The following ST6GALNAC3 variants were observed in gnomAD, a reference collection of about 807,000 sequenced individuals.
ST6GALNAC3 encodes alpha-N-acetylgalactosaminide alpha-2,6-sialyltransferase 3.
In ST6GALNAC3, 25 loss-of-function variants were observed where a neutral mutation model predicts 32.7. That is an observed-to-expected ratio of 0.76 (90% CI 0.56 to 1.07). The LOEUF is 1.07. Among genes scored for constraint, ST6GALNAC3 ranks in the 50% least tolerant of loss-of-function variants. ST6GALNAC3 has a pLI of 0.00. For synonymous variants in ST6GALNAC3, 129 were observed against 133.1 expected, an observed-to-expected ratio of 0.97 and a Z score of 0.21; for missense variants, 355 against 382.4, an observed-to-expected ratio of 0.93 and a Z score of 0.60.
At chr1:76,342,634 T>C (rs1359466837) in intron 2 of ST6GALNAC3, among the ~76,000 whole-genome samples, 1 of 151,944 alleles carries the variant, frequency 6.6e-6, no homozygotes, top group Non-Finnish European at 1.5e-5. Flanking sequence ...ATTGCAGAAA[T>C]TTTCTCCCAT....
At chr1:76,412,477 C>T in intron 3 of ST6GALNAC3, 60 bp downstream of exon 3, 2 of 1,471,848 alleles carry the variant, frequency 1.4e-6, no homozygotes, top group Non-Finnish European at 1.8e-6. Context: ...AAATCTTCGC[C>T]AATTCCTTTT....
chr1:76,353,838 G>A (rs1434716910), intron 2 of ST6GALNAC3: 1 of 153,040 alleles, frequency 6.5e-6, no homozygotes, highest in Non-Finnish European at 1.5e-5. Flanking sequence ...CAAAGACAGT[G>A]GCACTTAAAC....
intron 1 of ST6GALNAC3, among the ~76,000 whole-genome samples, chr1:76,078,425 G>A (rs555275058): frequency 7.9e-5 from 12 of 152,166 alleles, no homozygotes; most frequent in East Asian, 1.9e-4. Context: ...GCTAGTTCTC[G>A]TAACAGAACG....
chr1:76,582,801 G>T (rs993646540), intron 3 of ST6GALNAC3, among the ~76,000 whole-genome samples: 20 of 152,076 alleles, frequency 1.3e-4, no homozygotes, highest in Non-Finnish European at 4.4e-5. Context: ...GTTTTCAAGT[G>T]AATTGTGTTT....
intron 3 of ST6GALNAC3, among the ~76,000 whole-genome samples, chr1:76,557,700 C>T (rs1665008149): frequency 6.6e-6 from 1 of 152,050 alleles, no homozygotes; most frequent in African/African-American, 2.4e-5. Flanking sequence ...AGTTATTCTA[C>T]CTCTCTCCCC....
intron 2 of ST6GALNAC3, among the ~76,000 whole-genome samples, chr1:76,395,646 A>T (rs1207094961): frequency 7.2e-5 from 11 of 152,158 alleles, no homozygotes. Context: ...AGCCTTAAAA[A>T]AGAATCAGAT....
intron 3 of ST6GALNAC3, among the ~76,000 whole-genome samples, chr1:76,622,146 G>A (rs944984850): frequency 6.6e-6 from 1 of 151,264 alleles, no homozygotes; most frequent in East Asian, 1.9e-4. Flanking sequence ...CAGTAGAACT[G>A]AAGCTGCAAA....
chr1:76,306,321 C>T (rs1267790259), intron 1 of ST6GALNAC3, among the ~76,000 whole-genome samples: 1 of 152,004 alleles, frequency 6.6e-6, no homozygotes, highest in Admixed American at 6.6e-5. Context: ...TTTGTAGGAA[C>T]CAACCTGATG....
rs374453729 is a variant in ST6GALNAC3 at position 76,314,430 on chromosome 1, C to A, written c.213+431C>A. On this transcript the variant is annotated intron_variant, in intron 2 of 4. Coordinates refer to ENST00000328299, the MANE Select transcript of ST6GALNAC3 (RefSeq NM_152996.4). ...AACTCTGTAATCCTTAGACCTGGAG[C>A]TAGAAAAGGCCAAGCTGATTTTAAA... is the stretch of plus-strand genomic sequence containing the variant. Among the ~76,000 whole-genome samples, 10 of 152,188 alleles carry A rather than the reference C, an allele frequency of 6.6e-5. No homozygotes were observed. The East Asian group carries it at 7.8e-4, about 12-fold the overall frequency.
downstream of ST6GALNAC3, chr1:76,634,685 ATTTTTTTTTTTTT>A (rs755148916): frequency 8.4e-5 from 4 of 47,356 alleles, 1 homozygote; most frequent in Non-Finnish European, 7.8e-5. Context: ...GCGGTATGGG[ATTTTTTTTTTTTT>A]TTTTTTTTTT....
At chr1:76,390,946 A>ATTTTTTTTTTTTTTTTTTTTTT (rs58114434) in intron 2 of ST6GALNAC3, among the ~76,000 whole-genome samples, 3 of 121,068 alleles carry the variant, frequency 2.5e-5, no homozygotes, top group Non-Finnish European at 3.8e-5. Context: ...ATATATATGT[A>ATTTTTTTTTTTTTTTTTTTTTT]TTTTTTTTTT....
chr1:76,140,953 A>G (rs1650284543), intron 1 of ST6GALNAC3, among the ~76,000 whole-genome samples: 1 of 151,800 alleles, frequency 6.6e-6, no homozygotes, highest in Admixed American at 6.6e-5. Flanking sequence ...TTTATTGTAC[A>G]CTTAGGGACT....
At chr1:76,515,606 A>T (rs1662127761) in intron 3 of ST6GALNAC3, among the ~76,000 whole-genome samples, 1 of 152,026 alleles carries the variant, frequency 6.6e-6, no homozygotes, top group South Asian at 2.1e-4. Flanking sequence ...TTTTGGTATG[A>T]TGTGTTTCCA....
chr1:76,335,236 G>GA (rs1647367231), intron 2 of ST6GALNAC3, among the ~76,000 whole-genome samples: 1 of 152,036 alleles, frequency 6.6e-6, no homozygotes, highest in Non-Finnish European at 1.5e-5. Flanking sequence ...ATACCTGGCG[G>GA]GTTATTGTCA....
chr1:76,431,172 T>C (rs1464862554), intron 3 of ST6GALNAC3, among the ~76,000 whole-genome samples: 1 of 152,056 alleles, frequency 6.6e-6, no homozygotes, highest in Admixed American at 6.5e-5. Context: ...TAAGAGCAAG[T>C]TCTGGATCAC....
intron 1 of ST6GALNAC3, among the ~76,000 whole-genome samples, chr1:76,202,542 C>A (rs1345964396): frequency 6.6e-6 from 1 of 152,020 alleles, no homozygotes; most frequent in Non-Finnish European, 1.5e-5. Flanking sequence ...GGAAACCCTG[C>A]AGTAGGAACA....
At chr1:76,190,499 A>C (rs973770347) in intron 1 of ST6GALNAC3, among the ~76,000 whole-genome samples, 1 of 152,260 alleles carries the variant, frequency 6.6e-6, no homozygotes, top group African/African-American at 2.4e-5. Flanking sequence ...ACCCATAAGC[A>C]AACACAAATA....
chr1:76,209,403 G>A (rs192172581), intron 1 of ST6GALNAC3, among the ~76,000 whole-genome samples: 1 of 152,190 alleles, frequency 6.6e-6, no homozygotes, highest in Non-Finnish European at 1.5e-5. Flanking sequence ...GCCAGGATGA[G>A]GGGCCAAGGG....
intron 3 of ST6GALNAC3, among the ~76,000 whole-genome samples, chr1:76,460,105 C>T (rs76272553): frequency 0.014 from 2,175 of 152,258 alleles, 51 homozygotes; most frequent in African/African-American, 0.047. Context: ...CTACTAGCAA[C>T]GTTGAAGGTT....
Sources: gnomAD v4.1 joint callset for allele counts (sites outside exome capture counted in the v4.1 genomes callset) on GRCh38, gnomAD v4.1.1 for gene constraint, MANE v1.5 for transcripts, NCBI Gene and HGNC (gene_info 2026-07-23, HGNC 2026-07-21) for gene names.